CLIC6: variants seen among roughly 807,000 people sequenced by gnomAD.
CLIC6 encodes the protein chloride intracellular channel protein 6.
In CLIC6, 39 loss-of-function variants were observed where a neutral mutation model predicts 49.2. The observed-to-expected ratio is 0.79, with a 90% CI of 0.61 to 1.04. The LOEUF (loss-of-function observed/expected upper bound fraction) is 1.04, where lower values mean the gene tolerates loss of function less well. Among genes scored for constraint, CLIC6 ranks in the 50% least tolerant of loss-of-function variants. The pLI, the probability that CLIC6 is intolerant of heterozygous loss-of-function variation, is 0.00. For missense variants in CLIC6, 988 were observed against 993.1 expected, an observed-to-expected ratio of 0.99 and a Z score of 0.07; for synonymous variants, 446 against 433.4, an observed-to-expected ratio of 1.03 and a Z score of -0.36.
chr21:34,708,760 C>T lies in CLIC6; in HGVS notation c.1671C>T (p.Ala557=). The change falls in exon 4 of 6, where the codon GCC becomes GCT. Residue 557 remains alanine, a synonymous_variant. Coordinates refer to ENST00000349499, the MANE Select transcript of CLIC6 (RefSeq NM_053277.3). ...ESNSAGNDVF[A]KFSAFIKNTK... The stretch of plus-strand genomic sequence containing the variant: ...ATTCCGCAGGAAATGACGTGTTTGC[C>T]AAATTCTCAGCGTTTATAAAAAACA... 1 of 1,614,150 alleles carries T rather than the reference C, an allele frequency of 6.2e-7. No homozygotes were observed. Among genetic ancestry groups the T allele is most frequent in the Non-Finnish European group, 8.5e-7 (1 of 1,179,994 alleles).
intron 1 of CLIC6, among the ~76,000 whole-genome samples, chr21:34,695,037 G>A (rs897875883): frequency 1.3e-5 from 2 of 152,162 alleles, no homozygotes; most frequent in South Asian, 4.1e-4. Flanking sequence ...CCACAAGCTT[G>A]GTGGCTTTGA....
In CLIC6 at chr21:34,716,626, T is replaced by C; in HGVS notation, c.*144T>C. The C allele has an allele frequency of 1.8e-6, 1 of 555,924 alleles. No homozygotes were observed. Among genetic ancestry groups the C allele is most frequent in the Non-Finnish European group, 3.0e-6 (1 of 331,160 alleles). 34.4% of individuals were successfully genotyped at this position (555,924 alleles called of 1,614,324 possible). A position where few individuals can be genotyped will look rare whatever the true frequency, so the allele number is the denominator to read the frequency against. ...AGAGTTTTTTAAATCATTGAGAGCCTGTTTTTCTTCTCTAAAACATTAGTT... is the reference window on the plus strand; with the variant it reads ...AGAGTTTTTTAAATCATTGAGAGCCCGTTTTTCTTCTCTAAAACATTAGTT... On this transcript the variant is annotated 3_prime_UTR_variant, in exon 6 of 6. Coordinates refer to ENST00000349499, the MANE Select transcript of CLIC6 (RefSeq NM_053277.3).
At chr21:34,704,337 T>G (rs1399079880) in intron 1 of CLIC6, among the ~76,000 whole-genome samples, 1 of 152,192 alleles carries the variant, frequency 6.6e-6, no homozygotes, top group Non-Finnish European at 1.5e-5. Context: ...AGGCAGCAAG[T>G]CATCCCAGTC....
chr21:34,705,998 A>G (rs1601284123), intron 1 of CLIC6: 2 of 670,276 alleles, frequency 3.0e-6, no homozygotes, highest in East Asian at 5.5e-5. Flanking sequence ...TTAAATTACT[A>G]TTTTAACATT....
chr21:34,714,919 A>G (rs908285444), intron 5 of CLIC6, among the ~76,000 whole-genome samples: 4 of 152,256 alleles, frequency 2.6e-5, no homozygotes, highest in Non-Finnish European at 4.4e-5. Flanking sequence ...AGATGGGCAA[A>G]GAAAAACCAG....
intron 1 of CLIC6, among the ~76,000 whole-genome samples, chr21:34,694,806 CTCCATGGCA>C (rs1295916490): frequency 6.6e-6 from 1 of 152,234 alleles, no homozygotes; most frequent in Admixed American, 6.5e-5. Flanking sequence ...CTCACTTTTT[CTCCATGGCA>C]TCCATGGCCA....
intron 1 of CLIC6, among the ~76,000 whole-genome samples, chr21:34,686,714 T>TAGCTG (rs2145804633): frequency 6.6e-6 from 1 of 152,286 alleles, no homozygotes; most frequent in South Asian, 2.1e-4. Flanking sequence ...TTGACAATCC[T>TAGCTG]AGCTGAGCCC....
intron 5 of CLIC6, among the ~76,000 whole-genome samples, chr21:34,713,276 A>G (rs996413773): frequency 6.6e-6 from 1 of 152,242 alleles, no homozygotes; most frequent in African/African-American, 2.4e-5. Context: ...CTACAGCCTC[A>G]AAGAAATGAA....
rs922644652 is a variant in CLIC6 at position 34,678,241 on chromosome 21, C to T, written c.1374+7479C>T. Among the ~76,000 whole-genome samples, 13 of 151,040 alleles carry T rather than the reference C, an allele frequency of 8.6e-5. 1 individual carries two copies. The highest frequency in any genetic ancestry group is 2.9e-5 in the Non-Finnish European group (2 of 67,852). On this transcript the variant is annotated intron_variant, in intron 1 of 5. Transcript: ENST00000349499. ...GGTCAGGAGATTGAGACCATCCTGG[C>T]CAACACGGTGCAACCCCGTCTCTAC...
intron 1 of CLIC6, among the ~76,000 whole-genome samples, chr21:34,682,451 T>G (rs1428992274): frequency 1.3e-5 from 2 of 152,164 alleles, no homozygotes; most frequent in Non-Finnish European, 2.9e-5. Flanking sequence ...CTTTTATATA[T>G]TGATATTTGT....
chr21:34,683,686 G>A (rs145344079), intron 1 of CLIC6, among the ~76,000 whole-genome samples: 16 of 152,132 alleles, frequency 1.1e-4, no homozygotes, highest in African/African-American at 3.9e-4. Flanking sequence ...GAGATCTGAT[G>A]GTTTAAAAGT....
At position 34,717,835 on chromosome 21, in the gene CLIC6, C is replaced by T. The variant is rs575613320; in HGVS notation, c.*1353C>T. On this transcript the variant is annotated 3_prime_UTR_variant, in exon 6 of 6. Transcript: ENST00000349499. ...GTGTACACCTGCTCTAGGGACGATT[C>T]GTTTGAAAGAGAGTAAGATGCATTA... The T allele has an allele frequency of 7.2e-5, 11 of 152,260 alleles. No homozygotes were observed. The South Asian group carries it at 1.5e-3, about 20-fold the overall frequency. The allele number at this position is 152,260 out of a possible 1,614,324, so 9.4% of individuals were successfully genotyped here.
At chr21:34,671,918 A>G (rs1020912227) in intron 1 of CLIC6, among the ~76,000 whole-genome samples, 1 of 152,018 alleles carries the variant, frequency 6.6e-6, no homozygotes, top group African/African-American at 2.4e-5. Context: ...TTTTTTCAAG[A>G]CCCTGGGACA....
At chr21:34,705,781 T>C (rs1208576448) in intron 1 of CLIC6, among the ~76,000 whole-genome samples, 2 of 151,898 alleles carry the variant, frequency 1.3e-5, no homozygotes, top group Admixed American at 1.3e-4. Context: ...GATCATCCAA[T>C]TGGGGGTTCA....
chr21:34,678,457 G>A lies in CLIC6; in HGVS notation c.1374+7695G>A, dbSNP rs531627229. ...AAAAAAAAAAAAGAAAAAGTTTACC[G>A]ATTCCTAGCTTATACCTACTTTTAT... On this transcript the variant is annotated intron_variant, in intron 1 of 5. Coordinates refer to ENST00000349499, the MANE Select transcript of CLIC6 (RefSeq NM_053277.3). Among the ~76,000 whole-genome samples the A allele has an allele frequency of 2.5e-3, 376 of 151,666 alleles. 2 individuals are homozygous for A. Among genetic ancestry groups the A allele is most frequent in the South Asian group, 0.012 (57 of 4,788 alleles).
intron 5 of CLIC6, among the ~76,000 whole-genome samples, chr21:34,712,814 T>C (rs1162941048): frequency 6.6e-6 from 1 of 152,206 alleles, no homozygotes; most frequent in African/African-American, 2.4e-5. Context: ...ACAGTGGCCT[T>C]CTGCCTAATC....
chr21:34,670,650 G>A lies in CLIC6; in HGVS notation c.1262G>A (p.Gly421Asp), dbSNP rs961657503. The A allele has an allele frequency of 1.9e-6, 3 of 1,559,288 alleles. No homozygotes were observed. Among genetic ancestry groups the A allele is most frequent in the Non-Finnish European group, 1.7e-6 (2 of 1,155,134 alleles). Reference sequence around the variant, plus strand: ...CTCAGCAACCACCTGGCCGAGGAGGGCCCCGCCGAGGGTAGCGGCGAGGCC... The same window carrying A: ...CTCAGCAACCACCTGGCCGAGGAGGACCCCGCCGAGGGTAGCGGCGAGGCC... ...AQLSNHLAEE[G>D]PAEGSGEAAR... Residue 421 changes from glycine to aspartate, a missense_variant, in exon 1 of 6, where the codon GGC (glycine) becomes GAC (aspartate). This residue lies in a region of CLIC6 where 647 missense variants were observed against 596.9 expected (regional missense o/e 1.08). Coordinates refer to ENST00000349499, the MANE Select transcript of CLIC6 (RefSeq NM_053277.3).
At chr21:34,699,691 C>G (rs1420098503) in intron 1 of CLIC6, among the ~76,000 whole-genome samples, 1 of 152,078 alleles carries the variant, frequency 6.6e-6, no homozygotes, top group African/African-American at 2.4e-5. Context: ...CAGCATCGTT[C>G]GTAATACTAG....
At position 34,670,522 on chromosome 21, in the gene CLIC6, G is replaced by A. The variant is rs1452250748; in HGVS notation, c.1134G>A (p.Pro378=). 2 of 1,496,486 alleles carry A rather than the reference G, an allele frequency of 1.3e-6. No homozygotes were observed. Among genetic ancestry groups the A allele is most frequent in the South Asian group, 2.6e-5 (2 of 75,774 alleles). The allele number at this position is 1,496,486 out of a possible 1,614,324, so 92.7% of individuals were successfully genotyped here. A position where few individuals can be genotyped will look rare whatever the true frequency, so the allele number is the denominator to read the frequency against. ...ACGAAGAGAGACGAGAGCGGAGCCC[G>A]GAGGGGCCAAGGGAGGAGGAAGCAG... ...GEDEERRERS[P]EGPREEEAAG... is the part of the protein sequence containing the mutation. The change falls in exon 1 of 6, where the codon CCG becomes CCA. Residue 378 remains proline (P), a synonymous_variant. Coordinates refer to ENST00000349499, the MANE Select transcript of CLIC6 (RefSeq NM_053277.3).
Sources: gnomAD v4.1 joint callset for allele counts (sites outside exome capture counted in the v4.1 genomes callset) on GRCh38, gnomAD v4.1.1 for gene constraint, gnomAD v4.1.1 regional missense constraint, MANE v1.5 for transcripts, NCBI Gene and HGNC (gene_info 2026-07-23, HGNC 2026-07-21) for gene names.